Variants in CADM2 observed in about 807,000 individuals in gnomAD.
CADM2 encodes cell adhesion molecule 2, also known as immunoglobulin superfamily member 4D.
A neutral mutation model predicts 49.8 loss-of-function variants in CADM2; 12 were observed. The observed-to-expected ratio is 0.24, with a 90% CI of 0.15 to 0.39. The LOEUF is 0.39. Ranked by LOEUF, CADM2 falls within the 10% of genes least tolerant of loss-of-function variation. CADM2 has a pLI of 1.00. For synonymous variants in CADM2, 214 were observed against 175.4 expected (o/e 1.22, Z -1.74); for missense variants, 378 against 492.3 (o/e 0.77, Z 2.20).
At chr3:85,035,046 C>T (rs1412734107) in intron 1 of CADM2, among the ~76,000 whole-genome samples, 5 of 151,876 alleles carry the variant, frequency 3.3e-5, no homozygotes, top group African/African-American at 9.7e-5. Context: ...TGTGGTCTGC[C>T]CGCCTTGGCC....
chr3:85,576,888 A>G (rs1324656195), intron 1 of CADM2, among the ~76,000 whole-genome samples: 1 of 152,048 alleles, frequency 6.6e-6, no homozygotes, highest in Non-Finnish European at 1.5e-5. Flanking sequence ...CCCCTATTGT[A>G]TTCTATAATA....
chr3:85,925,193 G>T (rs931215048), intron 6 of CADM2, among the ~76,000 whole-genome samples: 2 of 151,820 alleles, frequency 1.3e-5, no homozygotes. Context: ...AAGTACTATG[G>T]TGTCTACAAT....
At chr3:85,205,825 C>A (rs1451536076) in intron 1 of CADM2, among the ~76,000 whole-genome samples, 4 of 151,952 alleles carry the variant, frequency 2.6e-5, no homozygotes, top group East Asian at 1.9e-4. Flanking sequence ...GATGATTGAA[C>A]CTGGAATATT....
chr3:85,721,852 G>A (rs1351873439), intron 1 of CADM2, among the ~76,000 whole-genome samples: 1 of 152,230 alleles, frequency 6.6e-6, no homozygotes, highest in African/African-American at 2.4e-5. Context: ...TTCTGTTACA[G>A]CTCTTTTAGC....
chr3:85,211,989 C>G (rs1034326735), intron 1 of CADM2, among the ~76,000 whole-genome samples: 4 of 152,080 alleles, frequency 2.6e-5, no homozygotes, highest in African/African-American at 9.7e-5. Context: ...CTACAACTGT[C>G]ATATCCTCTT....
At chr3:85,791,382 T>C (rs538188541) in intron 2 of CADM2, among the ~76,000 whole-genome samples, 4 of 152,264 alleles carry the variant, frequency 2.6e-5, no homozygotes, top group South Asian at 2.1e-4. Context: ...AGTAATAGCA[T>C]GCTATGTGTG....
chr3:85,822,880 G>A (rs1301656801), intron 3 of CADM2, among the ~76,000 whole-genome samples: 1 of 152,052 alleles, frequency 6.6e-6, no homozygotes, highest in East Asian at 1.9e-4. Flanking sequence ...ACTGATTATT[G>A]TACTTAATTT....
At chr3:85,544,550 C>CT (rs1261768691) in intron 1 of CADM2, among the ~76,000 whole-genome samples, 1 of 151,852 alleles carries the variant, frequency 6.6e-6, no homozygotes, top group Non-Finnish European at 1.5e-5. Flanking sequence ...GCACTCCTGC[C>CT]TGGGCGACAG....
chr3:85,810,377 T>G lies in CADM2; in HGVS notation c.238+8181T>G, dbSNP rs561699010. Among the ~76,000 whole-genome samples the G allele has an allele frequency of 1.1e-3, 167 of 152,250 alleles. 3 individuals are homozygous for G. In the South Asian group the frequency reaches 0.033, roughly 30 times the overall value. On this transcript the variant is annotated intron_variant, in intron 3 of 9. Transcript: ENST00000383699. ...AGGAAAGAGTATAGCATATCATGCA[T>G]ACACAGAGATTTCTACATACCCAAT...
intron 1 of CADM2, among the ~76,000 whole-genome samples, chr3:85,572,201 A>T (rs1425971582): frequency 6.6e-6 from 1 of 152,050 alleles, no homozygotes; most frequent in Non-Finnish European, 1.5e-5. Flanking sequence ...GAAGGCTGAG[A>T]CAGGAGAACC....
intron 1 of CADM2, among the ~76,000 whole-genome samples, chr3:85,352,159 A>G (rs2031413466): frequency 6.6e-6 from 1 of 152,164 alleles, no homozygotes; most frequent in Non-Finnish European, 1.5e-5. Context: ...TAAAAGGTTA[A>G]CAATTAAAGC....
intron 1 of CADM2, among the ~76,000 whole-genome samples, chr3:85,353,307 T>G (rs1397756093): frequency 6.6e-6 from 1 of 151,862 alleles, no homozygotes; most frequent in Non-Finnish European, 1.5e-5. Flanking sequence ...CGAGGCCATT[T>G]CCCCCTCTCA....
intron 8 of CADM2, among the ~76,000 whole-genome samples, chr3:85,996,292 T>A: frequency 3.3e-5 from 1 of 29,964 alleles, no homozygotes; most frequent in South Asian, 1.3e-3. Flanking sequence ...TTCATTTACT[T>A]TTTTTTTTTT....
intron 7 of CADM2, among the ~76,000 whole-genome samples, chr3:85,948,809 A>G (rs951075208): frequency 2.6e-5 from 4 of 151,612 alleles, no homozygotes; most frequent in African/African-American, 9.7e-5. Context: ...TCCAATGTGA[A>G]TAGGCAGACT....
intron 1 of CADM2, among the ~76,000 whole-genome samples, chr3:85,173,795 A>G (rs993857687): frequency 2.6e-5 from 4 of 152,134 alleles, no homozygotes; most frequent in Admixed American, 2.0e-4. Flanking sequence ...ATAATGCCCA[A>G]TTCTTCTGTA....
chr3:85,969,981 A>G (rs1725915754), intron 8 of CADM2, among the ~76,000 whole-genome samples: 2 of 67,400 alleles, frequency 3.0e-5, no homozygotes, highest in South Asian at 8.8e-4. Context: ...GTGTATATAT[A>G]TATATACACT....
intron 7 of CADM2, among the ~76,000 whole-genome samples, chr3:85,941,496 T>G (rs1721899949): frequency 6.6e-6 from 1 of 152,068 alleles, no homozygotes; most frequent in Admixed American, 6.6e-5. Context: ...ATAATAATAG[T>G]TATAAATTAG....
intron 8 of CADM2, among the ~76,000 whole-genome samples, chr3:86,018,447 C>T (rs1426130112): frequency 1.3e-5 from 2 of 151,648 alleles, no homozygotes; most frequent in Non-Finnish European, 2.9e-5. Flanking sequence ...CCTGAGGAAT[C>T]GCCACACTGA....
chr3:85,221,643 C>A (rs928174251), intron 1 of CADM2, among the ~76,000 whole-genome samples: 3 of 152,032 alleles, frequency 2.0e-5, no homozygotes, highest in Non-Finnish European at 2.9e-5. Context: ...GATTTATAGG[C>A]ATTATGCCAT....
Sources: allele counts gnomAD v4.1 joint callset (sites outside exome capture counted in the v4.1 genomes callset), GRCh38; gene constraint gnomAD v4.1.1; transcripts MANE v1.5; gene names NCBI Gene and HGNC (gene_info 2026-07-23, HGNC 2026-07-21).